NLRC5: variants seen among roughly 807,000 people sequenced by gnomAD.
NLRC5 encodes the protein NLR family CARD domain containing 5.
NLRC5 carries 114 observed loss-of-function variants against 206.9 expected under a neutral mutation model. The ratio of observed to expected loss-of-function variants is 0.55; its 90% CI spans 0.47 to 0.64. The LOEUF is 0.64. Ranked by LOEUF, NLRC5 falls within the 30% of genes least tolerant of loss-of-function variation. The pLI is 0.00. For missense variants in NLRC5, 2,008 were observed against 2,305.5 expected (o/e 0.87, Z 2.64); for synonymous variants, 952 against 962.8 (o/e 0.99, Z 0.21).
At chr16:57,058,482 C>T (rs564788290) in intron 28 of NLRC5, 79 of 393,932 alleles carry the variant, frequency 2.0e-4, no homozygotes, top group African/African-American at 1.4e-3. Context: ...CTGCCTGGCT[C>T]CTGGTCCATC....
intron 2 of NLRC5, among the ~76,000 whole-genome samples, chr16:57,017,530 A>G (rs2060216276): frequency 6.6e-6 from 1 of 152,186 alleles, no homozygotes; most frequent in South Asian, 2.1e-4. Context: ...CCAGTGACTC[A>G]TGGCAACAAA....
At chr16:57,057,979 A>T in intron 27 of NLRC5, 86 bp from the exon 28 acceptor site, 1 of 1,053,768 alleles carries the variant, frequency 9.5e-7, no homozygotes, top group Non-Finnish European at 1.4e-6. Flanking sequence ...TAGCAGTGAC[A>T]GTGGATGCAG....
At chr16:57,055,192 C>A in intron 26 of NLRC5, 98 bp downstream of exon 26, 1 of 1,274,466 alleles carries the variant, frequency 7.8e-7, no homozygotes, top group Non-Finnish European at 1.1e-6. Context: ...CTGCCTACCA[C>A]AAAACATTCC....
At chr16:57,055,383 T>A in intron 26 of NLRC5, 50 bp from the exon 27 acceptor site, 1 of 1,561,732 alleles carries the variant, frequency 6.4e-7, no homozygotes, top group Non-Finnish European at 8.8e-7. Context: ...GGAGGGGGTC[T>A]CAGTGGCCAA....
chr16:57,047,718 GTCTT>G (rs1228404029), intron 23 of NLRC5, 90 bp downstream of exon 23: 3 of 1,109,300 alleles, frequency 2.7e-6, no homozygotes, highest in African/African-American at 1.5e-5. Context: ...AGACAGGTGA[GTCTT>G]TCTCGATTTC....
chr16:57,028,461 GC>G, intron 8 of NLRC5, 76 bp downstream of exon 8: 1 of 1,159,460 alleles, frequency 8.6e-7, no homozygotes, highest in Admixed American at 1.7e-5. Context: ...CCTGGGGCCT[GC>G]ATGTTCCTCC....
chr16:57,055,173 G>A (rs558047477), intron 26 of NLRC5, 79 bp downstream of exon 26: 2 of 1,435,498 alleles, frequency 1.4e-6, no homozygotes, highest in East Asian at 4.5e-5. Flanking sequence ...GGCCAGAGCA[G>A]TATGCAGACT....
At chr16:57,012,670 C>T (rs530265511) in intron 1 of NLRC5, among the ~76,000 whole-genome samples, 1 of 152,266 alleles carries the variant, frequency 6.6e-6, no homozygotes, top group Non-Finnish European at 1.5e-5. Context: ...CTTGAATCAT[C>T]CCGAATCCAT....
chr16:57,057,956 A>T (rs1216204018), intron 27 of NLRC5, 109 bp from the exon 28 acceptor site: 5 of 846,134 alleles, frequency 5.9e-6, no homozygotes, highest in African/African-American at 1.7e-5. Context: ...GGTGACCCTG[A>T]CATGGGGTCC....
At position 57,076,896 on chromosome 16, in the gene NLRC5, A is replaced by G; in HGVS notation, c.4829A>G (p.Glu1610Gly). ...CTCAGGGCTGCCACCAGCCTAGAGG[A>G]GCTGGAGTGAGTTGCCCATTCTGCC... ...EALRAATSLE[E>G]LDLSHNQIGD... Residue 1610 changes from glutamate (E) to glycine (G), a missense_variant, in exon 40 of 49, where the codon GAG becomes GGG. Glu to Gly is a moderately conservative substitution (Grantham distance 98). Coordinates refer to ENST00000688547, the MANE Select transcript of NLRC5 (RefSeq NM_001384950.1). 1 of 1,613,716 alleles carries G rather than the reference A, an allele frequency of 6.2e-7. No individual in the cohort carries two copies. The highest frequency in any genetic ancestry group is 8.5e-7 in the Non-Finnish European group (1 of 1,179,890).
chr16:57,045,059 G>A (rs2063762155), intron 20 of NLRC5, among the ~76,000 whole-genome samples: 1 of 151,982 alleles, frequency 6.6e-6, no homozygotes, highest in Non-Finnish European at 1.5e-5. Context: ...ACAAAAATTA[G>A]ACAGTCATGG....
Position 57,061,725 on chromosome 16 carries a change from G to A in NLRC5, c.4154+24G>A, listed in dbSNP as rs772649840. 6.9e-6 allele frequency: 11 copies of A among 1,590,546 alleles called. No individual in the cohort carries two copies. In the Admixed American group the frequency reaches 1.4e-4, roughly 20 times the overall value. On this transcript the variant is annotated intron_variant, in intron 32 of 48. Coordinates refer to ENST00000688547, the MANE Select transcript of NLRC5 (RefSeq NM_001384950.1). ...AGGTACCTCCTCCCCCGCTGCCTCC[G>A]GGAGGGGCCATGGCATGAATGGGAG...
chr16:57,061,497 G>T lies in NLRC5; in HGVS notation c.4036G>T (p.Gly1346Cys). ...RPEHVSRLAT[G>C]LSKSLQLTEL... ...AGAGCACGTGTCCAGGCTGGCCACC[G>T]GCTTGAGCAAGTCCCTGCAGCTGAC... The change falls in exon 31 of 49, where the codon GGC (glycine) becomes TGC (cysteine). Residue 1346 changes from glycine (G) to cysteine (C), a missense_variant. Transcript: ENST00000688547. 2 of 1,610,884 alleles carry T rather than the reference G, an allele frequency of 1.2e-6. No individual in the cohort carries two copies. Among genetic ancestry groups the T allele is most frequent in the Non-Finnish European group, 1.7e-6 (2 of 1,180,030 alleles).
intron 27 of NLRC5, 133 bp from the exon 28 acceptor site, chr16:57,057,932 A>G: frequency 1.4e-6 from 1 of 701,986 alleles, no homozygotes; most frequent in Non-Finnish European, 2.6e-6. Flanking sequence ...GATGGTGGTG[A>G]TGGTGGTGGC....
chr16:57,030,149 G>T, intron 10 of NLRC5, 65 bp downstream of exon 10: 1 of 1,312,132 alleles, frequency 7.6e-7, no homozygotes, highest in Non-Finnish European at 1.1e-6. Flanking sequence ...AAAGTGGGAT[G>T]GGAAATGGAG....
intron 24 of NLRC5, among the ~76,000 whole-genome samples, chr16:57,053,367 C>A (rs115015054): frequency 6.6e-6 from 1 of 152,062 alleles, no homozygotes; most frequent in Admixed American, 6.5e-5. Context: ...AGGAACAGCG[C>A]GGAACCGAGA....
intron 27 of NLRC5, among the ~76,000 whole-genome samples, chr16:57,057,171 A>G (rs2065784100): frequency 6.6e-6 from 1 of 152,154 alleles, no homozygotes; most frequent in Admixed American, 6.5e-5. Context: ...CTGTAATCCC[A>G]GCACTTTGGG....
At chr16:57,024,135 C>G (rs1355932414) in intron 5 of NLRC5, among the ~76,000 whole-genome samples, 4 of 152,186 alleles carry the variant, frequency 2.6e-5, no homozygotes, top group Admixed American at 2.6e-4. Flanking sequence ...GCTTCGCTGT[C>G]CAGGCTTTTC....
chr16:57,046,692 G>T, intron 22 of NLRC5, 51 bp downstream of exon 22: 1 of 1,464,136 alleles, frequency 6.8e-7, no homozygotes, highest in Non-Finnish European at 9.5e-7. Context: ...GGGATGAGGC[G>T]TCAGAGGGGG....
Sources: gnomAD v4.1 joint callset for allele counts (sites outside exome capture counted in the v4.1 genomes callset) on GRCh38, gnomAD v4.1.1 for gene constraint, MANE v1.5 for transcripts, NCBI Gene and HGNC (gene_info 2026-07-23, HGNC 2026-07-21) for gene names.